Variants in MCM8 observed in about 807,000 individuals in gnomAD.
MCM8 encodes the protein minichromosome maintenance 8 homologous recombination repair factor.
MCM8 carries 85 observed loss-of-function variants against 98.9 expected under a neutral mutation model. The observed-to-expected ratio is 0.86, with a 90% CI of 0.72 to 1.03. The LOEUF is 1.03. Among genes scored for constraint, MCM8 ranks in the 50% least tolerant of loss-of-function variants. The probability of loss-of-function intolerance (pLI) is 0.00; values close to 1 mark genes in which losing one functional copy is unlikely to be tolerated. For synonymous variants in MCM8, 352 were observed against 338.6 expected, an observed-to-expected ratio of 1.04 and a Z score of -0.44; for missense variants, 951 against 997.8, an observed-to-expected ratio of 0.95 and a Z score of 0.63.
intron 10 of MCM8, among the ~76,000 whole-genome samples, chr20:5,970,888 A>G: frequency 6.6e-6 from 1 of 152,132 alleles, no homozygotes; most frequent in Non-Finnish European, 1.5e-5. Context: ...AGCTCACTGT[A>G]GCTTCAAACT....
rs1014860458 is a variant in MCM8, at chr20:5,950,874, C to T, written c.-155C>T. Reference sequence around the variant, plus strand: ...AGAACTGCGGACTTGGCAGGAGTCGCCTGAGGAGCTAAGATCCCGGAGACT... The same window carrying T: ...AGAACTGCGGACTTGGCAGGAGTCGTCTGAGGAGCTAAGATCCCGGAGACT... On this transcript the variant is annotated 5_prime_UTR_variant, in exon 1 of 19. Coordinates refer to ENST00000610722, the MANE Select transcript of MCM8 (RefSeq NM_032485.6). 1 of 152,532 alleles carries T rather than the reference C, an allele frequency of 6.6e-6. No homozygotes were observed. Among genetic ancestry groups the T allele is most frequent in the South Asian group, 2.0e-4 (1 of 5,080 alleles). 9.4% of individuals were successfully genotyped at this position (152,532 alleles called of 1,614,324 possible). A position where few individuals can be genotyped will look rare whatever the true frequency, so the allele number is the denominator to read the frequency against.
intron 8 of MCM8, among the ~76,000 whole-genome samples, chr20:5,966,729 ATG>A (rs112624125): frequency 0.024 from 3,671 of 152,262 alleles, 128 homozygotes; most frequent in African/African-American, 0.077. Context: ...TGCTTTATGA[ATG>A]TGTTTTTGAA....
chr20:5,983,194 A>T, intron 14 of MCM8, 29 bp downstream of exon 14: 2 of 1,538,740 alleles, frequency 1.3e-6, no homozygotes, highest in Non-Finnish European at 1.8e-6. Flanking sequence ...TTATACCTTT[A>T]ATGTATTGAA....
At position 5,998,105 on chromosome 20, in the gene MCM8, A is replaced by C; in HGVS notation, c.*3714A>C. On this transcript the variant is annotated 3_prime_UTR_variant, in exon 19 of 19. Coordinates refer to ENST00000610722, the MANE Select transcript of MCM8 (RefSeq NM_032485.6). ...GCTGTTGTTATACAGAAGAATATTA[A>C]ACAATATTCATATATTGTTTATGAA... 6.6e-6 allele frequency: 1 copy of C among 152,186 alleles called. No individual in the cohort carries two copies. Among genetic ancestry groups the C allele is most frequent in the East Asian group, 1.9e-4 (1 of 5,202 alleles). The allele number at this position is 152,186 out of a possible 1,614,324, so 9.4% of individuals were successfully genotyped here. A position where few individuals can be genotyped will look rare whatever the true frequency, so the allele number is the denominator to read the frequency against.
chr20:5,989,802 G>T (rs1440153353), intron 17 of MCM8, among the ~76,000 whole-genome samples: 1 of 152,080 alleles, frequency 6.6e-6, no homozygotes, highest in African/African-American at 2.4e-5. Context: ...GTTGTTTCCT[G>T]CCCTTAGAGG....
At position 5,972,657 on chromosome 20, in the gene MCM8, C is replaced by T. The variant is rs570346297; in HGVS notation, c.1255-399C>T. The T allele has an allele frequency of 4.8e-6, 4 of 838,024 alleles. No homozygotes were observed. The African/African-American group carries it at 7.0e-5, about 15-fold the overall frequency. 51.9% of individuals were successfully genotyped at this position (838,024 alleles called of 1,614,324 possible). On this transcript the variant is annotated intron_variant, in intron 11 of 18. Transcript: ENST00000610722. The stretch of plus-strand genomic sequence containing the variant: ...GCAACCTCCACCTCCCAAGTTCAAA[C>T]AGTTCTCCCACCTCAGCCTGCCGAG...
At chr20:5,990,206 C>T (rs1288350883) in intron 17 of MCM8, among the ~76,000 whole-genome samples, 1 of 152,120 alleles carries the variant, frequency 6.6e-6, no homozygotes, top group African/African-American at 2.4e-5. Context: ...TCCTGAATAG[C>T]TGGGATTACA....
chr20:5,986,891 A>G (rs1476807913), intron 16 of MCM8, among the ~76,000 whole-genome samples: 3 of 152,124 alleles, frequency 2.0e-5, no homozygotes, highest in Non-Finnish European at 2.9e-5. Context: ...CAGTGGCATG[A>G]TCAAGCCTCA....
At chr20:5,958,481 A>G (rs1301398361) in intron 6 of MCM8, 47 bp from the exon 7 acceptor site, 2 of 1,497,118 alleles carry the variant, frequency 1.3e-6, no homozygotes, top group African/African-American at 1.4e-5. Context: ...TTGTGAAAAT[A>G]TAAAAAACAT....
Position 5,984,386 on chromosome 20 carries a change from A to G in MCM8, c.1734-395A>G, listed in dbSNP as rs983745045. ...GTAAAATGACAAAGTGCTATATTAG[A>G]AAAATCAGAAAGATCTATTGAACAA... On this transcript the variant is annotated intron_variant, in intron 14 of 18. Coordinates refer to ENST00000610722, the MANE Select transcript of MCM8 (RefSeq NM_032485.6). 1.4e-4 allele frequency among the ~76,000 whole-genome samples: 22 copies of G among 152,366 alleles called. 1 individual carries two copies. The highest frequency in any genetic ancestry group is 4.3e-4 in the African/African-American group (18 of 41,596).
chr20:5,981,599 A>T (rs2089631470), intron 13 of MCM8, among the ~76,000 whole-genome samples: 2 of 152,228 alleles, frequency 1.3e-5, no homozygotes, highest in African/African-American at 4.8e-5. Context: ...AAGCGTATTG[A>T]CAAGAATTCA....
At position 5,996,728 on chromosome 20, in the gene MCM8, CAGA is replaced by C. The variant is rs1384249117; in HGVS notation, c.*2346_*2348del. 22 of 152,290 alleles carry C rather than the reference CAGA, an allele frequency of 1.4e-4. No individual in the cohort carries two copies. The highest frequency in any genetic ancestry group is 3.1e-4 in the African/African-American group (13 of 41,570). 9.4% of individuals were successfully genotyped at this position (152,290 alleles called of 1,614,324 possible). ...TTAAAAAGACATAAACCTACATTTT[CAGA>C]AGAAGAAGTTCCATGTTTCCTTAGA... On this transcript the variant is annotated 3_prime_UTR_variant, in exon 19 of 19. Coordinates refer to ENST00000610722, the MANE Select transcript of MCM8 (RefSeq NM_032485.6).
intron 4 of MCM8, 104 bp from the exon 5 acceptor site, chr20:5,954,998 A>T: frequency 1.3e-6 from 1 of 793,032 alleles, no homozygotes; most frequent in Non-Finnish European, 2.0e-6. Flanking sequence ...CCATTATCAC[A>T]TATAAACATT....
rs780453069 is a variant in MCM8, at chr20:5,963,317, G to A, written c.833G>A (p.Arg278His). 5.6e-6 allele frequency: 9 copies of A among 1,613,852 alleles called. No individual in the cohort carries two copies. The highest frequency in any genetic ancestry group is 4.0e-5 in the African/African-American group (3 of 74,862). Residue 278 changes from arginine (R) to histidine (H), a missense_variant, in exon 8 of 19, where the codon CGC becomes CAC. Coordinates refer to ENST00000610722, the MANE Select transcript of MCM8 (RefSeq NM_032485.6). Reference sequence around the variant, plus strand: ...CGAGGCAGGTCATTTACTGCTCTCCGCAGCTCTCCTCTCACAGTTACGATG... The same window carrying A: ...CGAGGCAGGTCATTTACTGCTCTCCACAGCTCTCCTCTCACAGTTACGATG... ...VCRGRSFTAL[R>H]SSPLTVTMDW...
In MCM8 at chr20:5,955,151, C is replaced by T. The variant is rs1356448202; in HGVS notation, c.386C>T (p.Thr129Ile). 4 of 1,610,224 alleles carry T rather than the reference C, an allele frequency of 2.5e-6. No individual in the cohort carries two copies. Among genetic ancestry groups the T allele is most frequent in the African/African-American group, 2.7e-5 (2 of 74,832 alleles). Reference sequence around the variant, plus strand: ...ATTTTGGTAGATTTTAAAGAACTGACAGAAGGTGGTGAAGTAACTAACTTG... The same window carrying T: ...ATTTTGGTAGATTTTAAAGAACTGATAGAAGGTGGTGAAGTAACTAACTTG... ...GSILVDFKEL[T>I]EGGEVTNLIP... Residue 129 changes from threonine to isoleucine, a missense_variant, in exon 5 of 19, where the codon ACA (threonine) becomes ATA (isoleucine). By Grantham distance (89) the Thr-to-Ile change is moderately conservative (BLOSUM62 -1). Transcript: ENST00000610722.
chr20:5,955,505 G>T (rs1429756609), intron 5 of MCM8, among the ~76,000 whole-genome samples: 2 of 152,168 alleles, frequency 1.3e-5, no homozygotes, highest in Non-Finnish European at 2.9e-5. Context: ...GCTTAATCTT[G>T]CTAAAGATTG....
chr20:5,979,452 T>C (rs2089586087), intron 13 of MCM8, among the ~76,000 whole-genome samples: 1 of 152,218 alleles, frequency 6.6e-6, no homozygotes, highest in African/African-American at 2.4e-5. Flanking sequence ...GTCTACACAG[T>C]ATCTCCACAA....
rs189900490 is a variant in MCM8 at position 5,977,700 on chromosome 20, T to G, written c.1396-176T>G. Among the ~76,000 whole-genome samples, 35 of 152,340 alleles carry G rather than the reference T, an allele frequency of 2.3e-4. 1 individual carries two copies. The East Asian group carries it at 6.0e-3, about 26-fold the overall frequency. ...TCATTCACTCTTTGTTGGCCTTGGT[T>G]TTGACATCAGTAAATCAGGATATAA... On this transcript the variant is annotated intron_variant, in intron 12 of 18. Coordinates refer to ENST00000610722, the MANE Select transcript of MCM8 (RefSeq NM_032485.6).
rs145363508 is a variant in MCM8, at chr20:5,981,300, A to G, written c.1538-1670A>G. Among the ~76,000 whole-genome samples, 603 of 152,338 alleles carry G rather than the reference A, an allele frequency of 4.0e-3. 3 individuals are homozygous for G. Among genetic ancestry groups the G allele is most frequent in the African/African-American group, 0.014 (569 of 41,562 alleles). ...AGGCAGCTCAGGGAAAGGTGGAGAT[A>G]AAGCCTGTGAGTCTACCACTGCTAG... On this transcript the variant is annotated intron_variant, in intron 13 of 18. Coordinates refer to ENST00000610722, the MANE Select transcript of MCM8 (RefSeq NM_032485.6).
Sources: allele counts gnomAD v4.1 joint callset (sites outside exome capture counted in the v4.1 genomes callset), GRCh38; gene constraint gnomAD v4.1.1; transcripts MANE v1.5; gene names NCBI Gene and HGNC (gene_info 2026-07-23, HGNC 2026-07-21).